Variants in CAAP1 observed in about 807,000 individuals in gnomAD.
CAAP1 encodes the protein conserved anti-apoptotic protein.
CAAP1 carries 20 observed loss-of-function variants against 34.0 expected under a neutral mutation model. The observed-to-expected ratio is 0.59, with a 90% CI of 0.41 to 0.86. CAAP1 has a LOEUF of 0.86. CAAP1 is among the 40% of genes least tolerant of loss of function. The pLI, the probability that CAAP1 is intolerant of heterozygous loss-of-function variation, is 0.00. For missense variants in CAAP1, 538 were observed against 450.5 expected, an observed-to-expected ratio of 1.19 and a Z score of -1.76; for synonymous variants, 213 against 166.7, an observed-to-expected ratio of 1.28 and a Z score of -2.14.
chr9:26,860,089 T>C (rs1023548407), intron 5 of CAAP1, among the ~76,000 whole-genome samples: 2 of 152,200 alleles, frequency 1.3e-5, no homozygotes, highest in African/African-American at 4.8e-5. Flanking sequence ...GATTAGGTGA[T>C]TACATGATAG....
intron 4 of CAAP1, among the ~76,000 whole-genome samples, chr9:26,868,525 T>C (rs934925966): frequency 6.6e-6 from 1 of 152,140 alleles, no homozygotes; most frequent in African/African-American, 2.4e-5. Context: ...GAAAAACTGA[T>C]TTTCACTTCT....
At chr9:26,887,663 G>T (rs1447021221) in intron 1 of CAAP1, 150 bp from the exon 2 acceptor site, 1 of 570,476 alleles carries the variant, frequency 1.8e-6, no homozygotes, top group African/African-American at 1.9e-5. Context: ...CCATAGGAGA[G>T]AATATCTGTT....
intron 4 of CAAP1, among the ~76,000 whole-genome samples, chr9:26,881,242 G>A (rs1294866071): frequency 6.6e-6 from 1 of 152,116 alleles, no homozygotes; most frequent in Admixed American, 6.5e-5. Flanking sequence ...ACAAAGTGCT[G>A]GTATTACAGG....
chr9:26,878,000 C>T (rs1654132129), intron 4 of CAAP1, among the ~76,000 whole-genome samples: 1 of 151,992 alleles, frequency 6.6e-6, no homozygotes, highest in South Asian at 2.1e-4. Flanking sequence ...GATGATAAAG[C>T]CTTCTAACTT....
At chr9:26,872,669 C>T in intron 4 of CAAP1, among the ~76,000 whole-genome samples, 1 of 151,472 alleles carries the variant, frequency 6.6e-6, no homozygotes, top group African/African-American at 2.4e-5. Context: ...CAATCCTCCC[C>T]TCTCAGCCTC....
At position 26,858,604 on chromosome 9, in the gene CAAP1, C is replaced by T. The variant is rs960238151; in HGVS notation, c.739+2462G>A. Among the ~76,000 whole-genome samples the T allele has an allele frequency of 5.3e-5, 8 of 152,026 alleles. No individual in the cohort carries two copies. The East Asian group carries it at 1.5e-3, about 29-fold the overall frequency. Reference sequence around the variant, plus strand: ...TTGGGAGGCTAAGGCAGGCAGATCACGAGGTCAGGAGATCAAGACCATCCT... The same window carrying T: ...TTGGGAGGCTAAGGCAGGCAGATCATGAGGTCAGGAGATCAAGACCATCCT... On this transcript the variant is annotated intron_variant, in intron 5 of 5. Transcript: ENST00000333916.
chr9:26,882,614 C>A (rs181145039), intron 4 of CAAP1, among the ~76,000 whole-genome samples: 1 of 152,198 alleles, frequency 6.6e-6, no homozygotes, highest in Non-Finnish European at 1.5e-5. Context: ...GAAGCCTCCA[C>A]ACACAGTCTT....
chr9:26,876,122 G>C (rs1236623786), intron 4 of CAAP1, among the ~76,000 whole-genome samples: 1 of 152,144 alleles, frequency 6.6e-6, no homozygotes, highest in Non-Finnish European at 1.5e-5. Context: ...AGAGGATCCA[G>C]GGAAAAATCT....
chr9:26,855,620 A>G (rs888673689), intron 5 of CAAP1, among the ~76,000 whole-genome samples: 11 of 152,216 alleles, frequency 7.2e-5, no homozygotes, highest in African/African-American at 2.7e-4. Flanking sequence ...AATAAAAAAT[A>G]AAATGTAAGT....
At chr9:26,880,208 A>G in intron 4 of CAAP1, 1 of 353,146 alleles carries the variant, frequency 2.8e-6, no homozygotes, top group Non-Finnish European at 5.5e-6. Context: ...TACATTTGGC[A>G]TGGACAGCAC....
chr9:26,870,897 G>A (rs1401055768), intron 4 of CAAP1, among the ~76,000 whole-genome samples: 5 of 152,056 alleles, frequency 3.3e-5, no homozygotes, highest in African/African-American at 9.7e-5. Context: ...GATTACAGGC[G>A]TGAGCCACCG....
intron 4 of CAAP1, among the ~76,000 whole-genome samples, chr9:26,876,122 G>A (rs1236623786): frequency 2.6e-5 from 4 of 152,144 alleles, no homozygotes; most frequent in Non-Finnish European, 5.9e-5. Context: ...AGAGGATCCA[G>A]GGAAAAATCT....
chr9:26,854,990 A>G (rs113906511), intron 5 of CAAP1, among the ~76,000 whole-genome samples: 1 of 152,216 alleles, frequency 6.6e-6, no homozygotes, highest in African/African-American at 2.4e-5. Flanking sequence ...ATTTCTTACA[A>G]AACTAAACTT....
intron 4 of CAAP1, among the ~76,000 whole-genome samples, chr9:26,879,220 T>A (rs1193756945): frequency 6.6e-6 from 1 of 152,230 alleles, no homozygotes; most frequent in Non-Finnish European, 1.5e-5. Context: ...TCTATTTCTG[T>A]TTATTTTTGT....
intron 1 of CAAP1, among the ~76,000 whole-genome samples, chr9:26,890,028 G>A (rs1181087280): frequency 6.6e-6 from 1 of 152,062 alleles, no homozygotes; most frequent in Admixed American, 6.5e-5. Flanking sequence ...TACGCAAAAT[G>A]TTTTCAATAT....
chr9:26,892,295 C>A lies in CAAP1; in HGVS notation c.303+118G>T, dbSNP rs747107194. On this transcript the variant is annotated intron_variant, in intron 1 of 5. Coordinates refer to ENST00000333916, the MANE Select transcript of CAAP1 (RefSeq NM_024828.4). ...TAGGAACATGAACCTCAAGGACGGA[C>A]GACCTTGAGATTGCCGCGCTAGCAG... 58 of 1,537,078 alleles carry A rather than the reference C, an allele frequency of 3.8e-5. No individual in the cohort carries two copies. In the Admixed American group the frequency reaches 1.1e-3, roughly 30 times the overall value.
chr9:26,886,428 T>C (rs564009554), intron 2 of CAAP1, among the ~76,000 whole-genome samples: 3 of 152,128 alleles, frequency 2.0e-5, no homozygotes, highest in Non-Finnish European at 4.4e-5. Flanking sequence ...AGAAAAAAAC[T>C]AAAGAGTGAG....
intron 5 of CAAP1, among the ~76,000 whole-genome samples, chr9:26,851,204 C>A (rs1331765255): frequency 6.6e-6 from 1 of 151,996 alleles, no homozygotes; most frequent in Non-Finnish European, 1.5e-5. Flanking sequence ...TTACGCAATA[C>A]AAAATATAAC....
intron 5 of CAAP1, among the ~76,000 whole-genome samples, chr9:26,844,965 C>A (rs1175694517): frequency 6.6e-6 from 1 of 152,182 alleles, no homozygotes; most frequent in Non-Finnish European, 1.5e-5. Flanking sequence ...CAGATTATTT[C>A]TTTATTTTCC....
Sources: allele counts gnomAD v4.1 joint callset (sites outside exome capture counted in the v4.1 genomes callset), GRCh38; gene constraint gnomAD v4.1.1; transcripts MANE v1.5; gene names NCBI Gene and HGNC (gene_info 2026-07-23, HGNC 2026-07-21).